HRH2: variants seen among roughly 807,000 people sequenced by gnomAD.
HRH2 encodes histamine H2 receptor.
In HRH2, 4 loss-of-function variants were observed where a neutral mutation model predicts 20.1. The ratio of observed to expected loss-of-function variants is 0.20; its 90% CI spans 0.10 to 0.45. The LOEUF (loss-of-function observed/expected upper bound fraction) is 0.45. HRH2 is among the 20% of genes least tolerant of loss of function. The probability of loss-of-function intolerance (pLI) is 0.99; values close to 1 mark genes in which losing one functional copy is unlikely to be tolerated. For missense variants in HRH2, 250 were observed against 461.6 expected (o/e 0.54, Z 4.20); for synonymous variants, 197 against 200.7 (o/e 0.98, Z 0.16).
intron 1 of HRH2, among the ~76,000 whole-genome samples, chr5:175,669,364 CTTTTT>C (rs33964139): frequency 7.5e-6 from 1 of 133,128 alleles, no homozygotes. Flanking sequence ...TTCTTTCTTT[CTTTTT>C]TTTTTTTTTT....
Position 175,686,585 on chromosome 5 carries a change from T to C in HRH2, c.1076+2276T>C, listed in dbSNP as rs1756180327. Reference sequence around the variant, plus strand: ...CTAGTTAAGAAGCTGACTGGTCAGATTCAGAGCCACACATGCCAAGGATTG... The same window carrying C: ...CTAGTTAAGAAGCTGACTGGTCAGACTCAGAGCCACACATGCCAAGGATTG... On this transcript the variant is annotated intron_variant, in intron 2 of 2. Transcript: ENST00000636584. The surrounding 1 kb of genome is among the most constrained non-coding windows in gnomAD (Gnocchi z 4.7). Among the ~76,000 whole-genome samples the C allele has an allele frequency of 6.6e-6, 1 of 152,192 alleles. No individual in the cohort carries two copies. Among genetic ancestry groups the C allele is most frequent in the Non-Finnish European group, 1.5e-5 (1 of 68,034 alleles).
chr5:175,699,220 A>T (rs1756713267), intron 2 of HRH2, among the ~76,000 whole-genome samples: 1 of 152,210 alleles, frequency 6.6e-6, no homozygotes, highest in Non-Finnish European at 1.5e-5. Flanking sequence ...TGAAAAGAAC[A>T]CTGTGATTGG....
At chr5:175,667,475 A>C (rs974549961) in intron 1 of HRH2, among the ~76,000 whole-genome samples, 4 of 136,066 alleles carry the variant, frequency 2.9e-5, no homozygotes, top group African/African-American at 1.1e-4. Flanking sequence ...AGAAAAGGAA[A>C]AGCCAAAGAA....
At chr5:175,659,405 A>G (rs1029757156) in intron 1 of HRH2, among the ~76,000 whole-genome samples, 1 of 152,134 alleles carries the variant, frequency 6.6e-6, no homozygotes, top group Admixed American at 6.5e-5. Flanking sequence ...TTTTCTCCTT[A>G]TATCTGAGCT....
chr5:175,673,612 G>T (rs1446717593), intron 1 of HRH2, among the ~76,000 whole-genome samples: 1 of 151,994 alleles, frequency 6.6e-6, no homozygotes, highest in African/African-American at 2.4e-5. Context: ...GGTGGTGGTT[G>T]CACAACATGG....
At chr5:175,685,224 C>T (rs920065166) in intron 2 of HRH2, among the ~76,000 whole-genome samples, 11 of 152,114 alleles carry the variant, frequency 7.2e-5, no homozygotes, top group Admixed American at 7.2e-4. Flanking sequence ...GTGACAAAGC[C>T]AATGCAGGAT....
intron 1 of HRH2, among the ~76,000 whole-genome samples, chr5:175,674,693 T>G (rs1003568807): frequency 6.6e-6 from 1 of 152,136 alleles, no homozygotes; most frequent in Non-Finnish European, 1.5e-5. Flanking sequence ...GGACAAGACA[T>G]GCTTGAAGAC....
At position 175,710,703 on chromosome 5, in the gene HRH2, C is replaced by G. The variant is rs1223604251; in HGVS notation, c.*2732C>G. ...TGGAGGAGGAACATCTGTGGTGGGA[C>G]CCCAAATCCATGTTTGTGTTACCAT... is the stretch of plus-strand genomic sequence containing the variant. On this transcript the variant is annotated 3_prime_UTR_variant, in exon 3 of 3. Transcript: ENST00000636584. The G allele has an allele frequency of 6.6e-6, 1 of 152,210 alleles. No individual in the cohort carries two copies. Among genetic ancestry groups the G allele is most frequent in the Non-Finnish European group, 1.5e-5 (1 of 68,034 alleles). 9.4% of individuals were successfully genotyped at this position (152,210 alleles called of 1,614,324 possible).
rs200785866 is a variant in HRH2, at chr5:175,683,227, T to A, written c.-7T>A. The A allele has an allele frequency of 1.9e-6, 3 of 1,611,172 alleles. No homozygotes were observed. The highest frequency in any genetic ancestry group is 4.5e-5 in the East Asian group (2 of 44,798). ...CTGATCAGGGGACTGAGCCGTAGAG[T>A]CCCAGGATGGCACCCAATGGCACAG... On this transcript the variant is annotated 5_prime_UTR_variant, in exon 2 of 3. Transcript: ENST00000636584.
intron 2 of HRH2, among the ~76,000 whole-genome samples, chr5:175,684,901 T>C (rs1163339627): frequency 1.3e-5 from 2 of 152,038 alleles, no homozygotes; most frequent in African/African-American, 4.8e-5. Flanking sequence ...CTGTAGATTT[T>C]AGGAAAGGTG....
chr5:175,695,602 G>A (rs1257454022), intron 2 of HRH2, among the ~76,000 whole-genome samples: 2 of 152,220 alleles, frequency 1.3e-5, no homozygotes, highest in Non-Finnish European at 2.9e-5. Context: ...GGTATATGAA[G>A]CCTTGTGCTA....
chr5:175,680,538 A>G (rs1050188496), intron 1 of HRH2, among the ~76,000 whole-genome samples: 8 of 152,202 alleles, frequency 5.3e-5, no homozygotes, highest in African/African-American at 1.9e-4. Context: ...TGGAAGTTTG[A>G]AAGGACAGTT....
chr5:175,685,831 T>C, intron 2 of HRH2: 1 of 293,784 alleles, frequency 3.4e-6, no homozygotes, highest in South Asian at 5.4e-5. Context: ...AAGAAAAGCT[T>C]GCGTGGATAT....
chr5:175,664,975 C>T (rs1272573307), intron 1 of HRH2, among the ~76,000 whole-genome samples: 6 of 152,286 alleles, frequency 3.9e-5, no homozygotes, highest in Admixed American at 3.3e-4. Context: ...AGAGGCGATC[C>T]GGTTTGCATT....
chr5:175,685,350 A>T, intron 2 of HRH2: 1 of 1,466,992 alleles, frequency 6.8e-7, no homozygotes, highest in Non-Finnish European at 9.3e-7. Flanking sequence ...GAATGCTCAG[A>T]GGATACCTGG....
intron 1 of HRH2, among the ~76,000 whole-genome samples, chr5:175,668,671 G>A (rs1324891836): frequency 1.3e-5 from 2 of 152,082 alleles, no homozygotes; most frequent in African/African-American, 2.4e-5. Flanking sequence ...GTGAGGGGCC[G>A]GCTAGGAGGA....
At chr5:175,676,451 C>CTTCT (rs1755765033) in intron 1 of HRH2, among the ~76,000 whole-genome samples, 1 of 152,224 alleles carries the variant, frequency 6.6e-6, no homozygotes, top group Non-Finnish European at 1.5e-5. Context: ...TGTGTCTGAA[C>CTTCT]TTCTAGAGGA....
intron 1 of HRH2, among the ~76,000 whole-genome samples, chr5:175,666,172 C>G (rs2113477095): frequency 6.6e-6 from 1 of 152,284 alleles, no homozygotes; most frequent in East Asian, 1.9e-4. Flanking sequence ...CAGGACCAGC[C>G]TCATCCCTGT....
At chr5:175,701,858 A>G (rs1458470775) in intron 2 of HRH2, among the ~76,000 whole-genome samples, 1 of 152,248 alleles carries the variant, frequency 6.6e-6, no homozygotes, top group African/African-American at 2.4e-5. Context: ...CGCGTTATAC[A>G]CACCTAGAAC....
Sources: gnomAD v4.1 joint callset for allele counts (sites outside exome capture counted in the v4.1 genomes callset) on GRCh38, gnomAD v4.1.1 for gene constraint, Gnocchi (gnomAD v3.1) non-coding constraint, MANE v1.5 for transcripts, NCBI Gene and HGNC (gene_info 2026-07-23, HGNC 2026-07-21) for gene names.